The following SAMSN1 variants were observed in gnomAD, a reference collection of about 807,000 sequenced individuals.
SAMSN1 encodes SAM domain, SH3 domain and nuclear localization signals 1.
In SAMSN1, 31 loss-of-function variants were observed where a neutral mutation model predicts 42.0. The ratio of observed to expected loss-of-function variants is 0.74; its 90% CI spans 0.55 to 1.00. SAMSN1 has a LOEUF of 1.00. Ranked by LOEUF, SAMSN1 falls within the 50% of genes least tolerant of loss-of-function variation. SAMSN1 has a pLI of 0.00. For missense variants in SAMSN1, 464 were observed against 439.4 expected, an observed-to-expected ratio of 1.06 and a Z score of -0.50; for synonymous variants, 178 against 151.9, an observed-to-expected ratio of 1.17 and a Z score of -1.26.
intron 2 of SAMSN1, among the ~76,000 whole-genome samples, chr21:14,569,634 CA>C (rs1406859618): frequency 4.6e-5 from 7 of 152,078 alleles, no homozygotes. Context: ...ATTGATTCTG[CA>C]AATGTGAAAA....
intron 1 of SAMSN1, among the ~76,000 whole-genome samples, chr21:14,531,978 T>A (rs778519366): frequency 2.6e-5 from 4 of 152,130 alleles, no homozygotes; most frequent in Non-Finnish European, 5.9e-5. Flanking sequence ...ATAAGCTAAT[T>A]CTCAAAAAGT....
At chr21:14,550,073 G>C (rs953435703), upstream of SAMSN1, among the ~76,000 whole-genome samples, 1 of 152,090 alleles carries the variant, frequency 6.6e-6, no homozygotes, top group African/African-American at 2.4e-5. Context: ...CCCTCCTCTA[G>C]TTATCTAGCT....
At chr21:14,529,294 A>G (rs1290781354) in intron 1 of SAMSN1, among the ~76,000 whole-genome samples, 1 of 152,204 alleles carries the variant, frequency 6.6e-6, no homozygotes, top group Admixed American at 6.5e-5. Context: ...GTTTTAGTGC[A>G]TATTGATTGC....
At chr21:14,499,182 T>C (rs973908009) in intron 6 of SAMSN1, among the ~76,000 whole-genome samples, 4 of 152,196 alleles carry the variant, frequency 2.6e-5, no homozygotes, top group African/African-American at 9.6e-5. Context: ...TTACTAAGCA[T>C]AGAAGCACTG....
intron 1 of SAMSN1, among the ~76,000 whole-genome samples, chr21:14,523,682 T>C (rs1978645406): frequency 1.3e-5 from 2 of 152,196 alleles, no homozygotes; most frequent in Admixed American, 1.3e-4. Flanking sequence ...AAGGCAATTT[T>C]GTAGCCTATA....
intron 3 of SAMSN1, among the ~76,000 whole-genome samples, chr21:14,615,254 C>T (rs1284315207): frequency 6.6e-6 from 1 of 151,888 alleles, no homozygotes; most frequent in African/African-American, 2.4e-5. Flanking sequence ...ACCCAATTAC[C>T]TACTTACTAT....
chr21:14,500,967 A>G (rs562516420), intron 5 of SAMSN1, among the ~76,000 whole-genome samples: 116 of 152,274 alleles, frequency 7.6e-4, no homozygotes, highest in African/African-American at 2.5e-3. Context: ...TGAGGCCAGG[A>G]GTTTGAGACC....
At chr21:14,583,594 T>A (rs1600945055), upstream of SAMSN1, 1 of 697,026 alleles carries the variant, frequency 1.4e-6, no homozygotes, top group Admixed American at 2.2e-5. Context: ...CATTAACGTA[T>A]GCTTCCTTAG....
At position 14,528,770 on chromosome 21, in the gene SAMSN1, C is replaced by T. The variant is rs760994687; in HGVS notation, c.58-7549G>A. ...TATTTGTCCCCAAATTCTTGCCCCT[C>T]TAATCATCTAAAGTACCATGTCTCA... On this transcript the variant is annotated intron_variant, in intron 1 of 7. Transcript: ENST00000400566. 5.3e-5 allele frequency among the ~76,000 whole-genome samples: 8 copies of T among 152,182 alleles called. No individual in the cohort carries two copies. In the South Asian group the frequency reaches 6.2e-4, roughly 12 times the overall value.
chr21:14,631,484 C>T (rs1270793449), intron 2 of SAMSN1, among the ~76,000 whole-genome samples: 2 of 152,296 alleles, frequency 1.3e-5, no homozygotes, highest in Non-Finnish European at 1.5e-5. Flanking sequence ...TCTCCTGCCT[C>T]AGCCTTCCGA....
intron 7 of SAMSN1, among the ~76,000 whole-genome samples, chr21:14,589,041 C>T (rs1021045444): frequency 2.0e-5 from 3 of 151,956 alleles, no homozygotes; most frequent in Non-Finnish European, 2.9e-5. Flanking sequence ...GTTCATTTTG[C>T]TCACTCTTCC....
chr21:14,641,689 G>A (rs1400250161), intron 2 of SAMSN1, among the ~76,000 whole-genome samples: 1 of 152,102 alleles, frequency 6.6e-6, no homozygotes, highest in Non-Finnish European at 1.5e-5. Flanking sequence ...ACAGGAAGTG[G>A]CATCTAAATC....
chr21:14,535,025 A>G (rs1979516641), intron 1 of SAMSN1, among the ~76,000 whole-genome samples: 1 of 152,158 alleles, frequency 6.6e-6, no homozygotes, highest in African/African-American at 2.4e-5. Flanking sequence ...AAAAGCACAG[A>G]GCATTTTAGG....
At chr21:14,509,244 C>T (rs1313067056) in intron 5 of SAMSN1, among the ~76,000 whole-genome samples, 6 of 152,160 alleles carry the variant, frequency 3.9e-5, no homozygotes, top group African/African-American at 1.4e-4. Flanking sequence ...GAATTAATGG[C>T]ATTTGCAGTG....
intron 7 of SAMSN1, chr21:14,593,820 T>C: frequency 2.6e-6 from 1 of 384,180 alleles, no homozygotes; most frequent in Non-Finnish European, 4.7e-6. Flanking sequence ...GGAAATGCTT[T>C]ATGTTCCTTT....
chr21:14,582,282 G>T, exon 2 of SAMSN1: 1 of 1,550,782 alleles, frequency 6.4e-7, no homozygotes. Flanking sequence ...GGCTTCCAGT[G>T]ATGCCACATG....
chr21:14,598,781 C>T lies in SAMSN1; in HGVS notation c.399+3242G>A, dbSNP rs180939951. On this transcript the variant is annotated intron_variant, in intron 6 of 15. Coordinates refer to the SAMSN1 transcript ENST00000647101. The stretch of plus-strand genomic sequence containing the variant: ...CATTTTTAGTGTCTGAAATATATTT[C>T]GTAAGCATGGTCATATGATAATTAT... Among the ~76,000 whole-genome samples the T allele has an allele frequency of 1.6e-3, 241 of 152,196 alleles. 1 individual carries two copies. Among genetic ancestry groups the T allele is most frequent in the Middle Eastern group, 0.01 (3 of 294 alleles).
intron 7 of SAMSN1, among the ~76,000 whole-genome samples, chr21:14,593,373 A>T (rs77760697): frequency 3.7e-4 from 57 of 152,216 alleles, no homozygotes; most frequent in African/African-American, 1.3e-3. Context: ...GTTTCATATC[A>T]ATAATGCTAT....
intron 3 of SAMSN1, among the ~76,000 whole-genome samples, chr21:14,613,792 C>G (rs991722322): frequency 2.6e-5 from 4 of 151,726 alleles, no homozygotes; most frequent in Non-Finnish European, 5.9e-5. Context: ...CACTGAAGAC[C>G]AACTTTTAAA....
Sources: gnomAD v4.1 joint callset for allele counts (sites outside exome capture counted in the v4.1 genomes callset) on GRCh38, gnomAD v4.1.1 for gene constraint, MANE v1.5 for transcripts, NCBI Gene and HGNC (gene_info 2026-07-23, HGNC 2026-07-21) for gene names.